Variants in ARAP2 observed in about 807,000 individuals in gnomAD.
ARAP2 encodes arf-GAP with Rho-GAP domain, ANK repeat and PH domain-containing protein 2.
A neutral mutation model predicts 194.5 loss-of-function variants in ARAP2; 148 were observed. The ratio of observed to expected loss-of-function variants is 0.76; its 90% confidence interval spans 0.67 to 0.87. ARAP2 has a LOEUF of 0.87. Ranked by LOEUF, ARAP2 falls within the 40% of genes least tolerant of loss-of-function variation. The probability of loss-of-function intolerance (pLI) is 0.00; values close to 1 mark genes in which losing one functional copy is unlikely to be tolerated. For synonymous variants in ARAP2, 695 were observed against 683.5 expected (o/e 1.02, Z -0.26); for missense variants, 2,128 against 1,989.7 (o/e 1.07, Z -1.32).
rs184415377 is a variant in ARAP2, at chr4:36,088,701, C to T, written c.4425+3180G>A. Among the ~76,000 whole-genome samples the T allele has an allele frequency of 3.7e-4, 56 of 152,192 alleles. No individual in the cohort carries two copies. In the East Asian group the frequency reaches 6.6e-3, roughly 18 times the overall value. ...TGCTATTATGATTTATTCATGCCCA[C>T]ATGGAGGCTCCCCTGCTGGAGGAAT... On this transcript the variant is annotated intron_variant, in intron 28 of 32. Transcript: ENST00000303965.
At position 36,079,879 on chromosome 4, in the gene ARAP2, T is replaced by G. The variant is rs980804542; in HGVS notation, c.4608+337A>C. ...AAGGGAAATAGAACACTTTTCTAAA[T>G]GAAGGTCTATGTGGGATTGTGGTAG... On this transcript the variant is annotated intron_variant, in intron 31 of 32. Coordinates refer to ENST00000303965, the MANE Select transcript of ARAP2 (RefSeq NM_015230.4). Among the ~76,000 whole-genome samples the G allele has an allele frequency of 4.6e-5, 7 of 152,094 alleles. No homozygotes were observed. The East Asian group carries it at 1.4e-3, about 29-fold the overall frequency.
intron 2 of ARAP2, among the ~76,000 whole-genome samples, chr4:36,226,465 C>T (rs1750327051): frequency 6.6e-6 from 1 of 152,088 alleles, no homozygotes; most frequent in Admixed American, 6.6e-5. Flanking sequence ...AAGTTGAGAC[C>T]AAAGAATTCT....
intron 19 of ARAP2, among the ~76,000 whole-genome samples, chr4:36,139,705 T>C (rs1727767732): frequency 6.6e-6 from 1 of 151,640 alleles, no homozygotes; most frequent in Non-Finnish European, 1.5e-5. Flanking sequence ...GTAAATAGTT[T>C]TATAGCTCCA....
intron 28 of ARAP2, among the ~76,000 whole-genome samples, chr4:36,085,585 T>C (rs555700415): frequency 2.3e-4 from 35 of 152,208 alleles, no homozygotes; most frequent in Admixed American, 5.2e-4. Flanking sequence ...ATTTAAGTAT[T>C]TTAGTTTTAC....
At chr4:36,011,647 C>A (rs1242836503) in intron 9 of ARAP2, among the ~76,000 whole-genome samples, 4 of 152,264 alleles carry the variant, frequency 2.6e-5, no homozygotes, top group Admixed American at 1.3e-4. Context: ...ACACATAACA[C>A]CTACAAATGC....
chr4:36,061,567 C>T (rs964532958), downstream of ARAP2, among the ~76,000 whole-genome samples: 14 of 152,270 alleles, frequency 9.2e-5, no homozygotes, highest in Admixed American at 7.8e-4. Flanking sequence ...TTTATCGATT[C>T]GTCTGTTGAT....
chr4:36,110,359 C>T (rs1719612650), intron 26 of ARAP2, among the ~76,000 whole-genome samples: 3 of 151,868 alleles, frequency 2.0e-5, no homozygotes, highest in African/African-American at 7.2e-5. Context: ...AGATCTTCCA[C>T]ATCATAGTAG....
In ARAP2 at chr4:36,229,238, A is replaced by T; in HGVS notation, c.249T>A (p.Thr83=). The change falls in exon 2 of 33, where the codon ACT becomes ACA. Residue 83 remains threonine, a synonymous_variant. Coordinates refer to ENST00000303965, the MANE Select transcript of ARAP2 (RefSeq NM_015230.4). ...CCTTTGAAGGGTCATCATTCTTCTT[A>T]GTTTTATGAACATTTGCATATATTG... is the stretch of plus-strand genomic sequence containing the variant. ...DIPIYANVHK[T]KKNDDPSKDY... is the part of the protein sequence containing the mutation. 1 of 1,614,026 alleles carries T rather than the reference A, an allele frequency of 6.2e-7. No homozygotes were observed. Among genetic ancestry groups the T allele is most frequent in the South Asian group, 1.1e-5 (1 of 91,076 alleles).
At chr4:36,039,423 G>T (rs1720463584) in intron 5 of ARAP2, among the ~76,000 whole-genome samples, 1 of 152,124 alleles carries the variant, frequency 6.6e-6, no homozygotes, top group African/African-American at 2.4e-5. Context: ...TGTGTAATTG[G>T]CATGTTCCTG....
At chr4:36,113,352 A>G (rs1720510635) in intron 26 of ARAP2, among the ~76,000 whole-genome samples, 1 of 152,046 alleles carries the variant, frequency 6.6e-6, no homozygotes, top group Non-Finnish European at 1.5e-5. Context: ...ATTGTGCACA[A>G]TCATAATACA....
intron 31 of ARAP2, among the ~76,000 whole-genome samples, chr4:36,078,188 A>G (rs1728675713): frequency 6.6e-6 from 1 of 152,182 alleles, no homozygotes. Flanking sequence ...CTTTTCATGG[A>G]GTTTACATTT....
intron 1 of ARAP2, among the ~76,000 whole-genome samples, chr4:36,240,595 C>A (rs574351928): frequency 6.6e-6 from 1 of 152,242 alleles, no homozygotes; most frequent in Admixed American, 6.5e-5. Context: ...TAGTGCCTAC[C>A]TCACGGGGAT....
intron 30 of ARAP2, 125 bp from the exon 31 acceptor site, chr4:36,080,404 C>G: frequency 1.4e-6 from 1 of 699,112 alleles, no homozygotes; most frequent in Middle Eastern, 2.5e-4. Context: ...GTAATGCAAT[C>G]ACAAAAGTGG....
chr4:36,141,303 A>T (rs1238045475), intron 19 of ARAP2, among the ~76,000 whole-genome samples: 3 of 151,596 alleles, frequency 2.0e-5, no homozygotes, highest in African/African-American at 7.2e-5. Context: ...CCCAATAACA[A>T]CATCAAATAG....
At chr4:36,149,474 T>C (rs1313404664) in intron 16 of ARAP2, among the ~76,000 whole-genome samples, 2 of 152,216 alleles carry the variant, frequency 1.3e-5, no homozygotes, top group African/African-American at 2.4e-5. Context: ...TACTCTCCAA[T>C]GTGTTATTTG....
At position 36,121,272 on chromosome 4, in the gene ARAP2, G is replaced by C; in HGVS notation, c.3801C>G (p.Val1267=). The C allele has an allele frequency of 6.2e-7, 1 of 1,605,846 alleles. No homozygotes were observed. The highest frequency in any genetic ancestry group is 2.3e-5 in the East Asian group (1 of 44,398). ...TCGTTTGAAACAAACAGGATGAAAA[G>C]ACCAAGGCCAAATTATGGGCATTCA... ...NHMNAHNLAL[V]FSSCLFQTKG... is the part of the protein sequence containing the mutation. Residue 1267 remains valine, a synonymous_variant, in exon 23 of 33, where the codon GTC becomes GTG. Transcript: ENST00000303965.
At chr4:36,109,456 A>G (rs115790717) in intron 26 of ARAP2, among the ~76,000 whole-genome samples, 2,711 of 152,032 alleles carry the variant, frequency 0.018, 87 homozygotes, top group African/African-American at 0.062. Flanking sequence ...ATAAATCAAA[A>G]AAACATATTA....
chr4:36,047,881 A>G (rs1577655110), intron 3 of ARAP2, among the ~76,000 whole-genome samples: 1 of 152,206 alleles, frequency 6.6e-6, no homozygotes, highest in East Asian at 1.9e-4. Flanking sequence ...AAAGATACAG[A>G]AACAAAAAGT....
chr4:36,218,929 A>T (rs1295888975), intron 2 of ARAP2, among the ~76,000 whole-genome samples: 1 of 152,238 alleles, frequency 6.6e-6, no homozygotes, highest in Non-Finnish European at 1.5e-5. Flanking sequence ...CTGAAAAGGC[A>T]CCACACCAAA....
Sources: gnomAD v4.1 joint callset for allele counts (sites outside exome capture counted in the v4.1 genomes callset) on GRCh38, gnomAD v4.1.1 for gene constraint, MANE v1.5 for transcripts, NCBI Gene and HGNC (gene_info 2026-07-23, HGNC 2026-07-21) for gene names.